Variants in SLX4IP observed in about 807,000 individuals in gnomAD.
SLX4IP encodes the protein protein SLX4IP.
SLX4IP carries 34 observed loss-of-function variants against 32.9 expected under a neutral mutation model. The ratio of observed to expected loss-of-function variants is 1.03; its 90% CI spans 0.79 to 1.38. The LOEUF (loss-of-function observed/expected upper bound fraction) is 1.38. Ranked by LOEUF, SLX4IP falls within the 40% of genes most tolerant of loss-of-function variation. The probability of loss-of-function intolerance (pLI) is 0.00; values close to 1 mark genes in which losing one functional copy is unlikely to be tolerated. For synonymous variants in SLX4IP, 172 were observed against 171.7 expected (o/e 1.00, Z -0.01); for missense variants, 444 against 479.0 (o/e 0.93, Z 0.68).
intron 2 of SLX4IP, among the ~76,000 whole-genome samples, chr20:10,516,190 G>A (rs762907022): frequency 7.2e-5 from 11 of 152,094 alleles, no homozygotes; most frequent in African/African-American, 1.4e-4. Context: ...GCCTGGCCTC[G>A]TGAGGCTATT....
At chr20:10,595,878 T>C (rs1478926914) in intron 4 of SLX4IP, among the ~76,000 whole-genome samples, 1 of 152,204 alleles carries the variant, frequency 6.6e-6, no homozygotes, top group Non-Finnish European at 1.5e-5. Context: ...ATGTTAAACT[T>C]GCTATTTCTC....
At chr20:10,622,550 G>A (rs747549834) in intron 7 of SLX4IP, 109 bp from the exon 8 acceptor site, 1 of 1,462,494 alleles carries the variant, frequency 6.8e-7, no homozygotes, top group Non-Finnish European at 9.1e-7. Context: ...CGAGAGGGCA[G>A]GTAGTGCCTG....
At chr20:10,615,365 C>G (rs886458592) in intron 6 of SLX4IP, among the ~76,000 whole-genome samples, 1 of 152,190 alleles carries the variant, frequency 6.6e-6, no homozygotes, top group Non-Finnish European at 1.5e-5. Flanking sequence ...ATGTCACTCT[C>G]TCTTGCCTCC....
intron 2 of SLX4IP, among the ~76,000 whole-genome samples, chr20:10,534,193 TG>T (rs1042997720): frequency 6.6e-6 from 1 of 152,084 alleles, no homozygotes; most frequent in Non-Finnish European, 1.5e-5. Context: ...TGTAAGGCCC[TG>T]GGCACCATTA....
intron 6 of SLX4IP, chr20:10,613,864 T>A: frequency 6.3e-7 from 1 of 1,587,928 alleles, no homozygotes; most frequent in Non-Finnish European, 8.6e-7. Context: ...CCTTTGTATG[T>A]CTTTTCAAAA....
intron 6 of SLX4IP, among the ~76,000 whole-genome samples, chr20:10,602,517 C>A (rs1237069660): frequency 1.3e-5 from 2 of 152,122 alleles, no homozygotes; most frequent in Non-Finnish European, 2.9e-5. Flanking sequence ...TGTGTGTTTC[C>A]TGCAGCCACA....
Position 10,451,859 on chromosome 20 carries a change from T to C in SLX4IP, c.-29-6317T>C, listed in dbSNP as rs148398740. 4.6e-3 allele frequency among the ~76,000 whole-genome samples: 694 copies of C among 152,010 alleles called. 7 individuals are homozygous for C. The highest frequency in any genetic ancestry group is 0.016 in the African/African-American group (651 of 41,466). On this transcript the variant is annotated intron_variant, in intron 1 of 7. Coordinates refer to ENST00000334534, the MANE Select transcript of SLX4IP (RefSeq NM_001009608.3). Reference sequence around the variant, plus strand: ...GACGGGCGCCTGTAATCCCAGCTACTTGGGAGGCTGAGGCAGGGGAATCGC... The same window carrying C: ...GACGGGCGCCTGTAATCCCAGCTACCTGGGAGGCTGAGGCAGGGGAATCGC...
At chr20:10,526,238 TA>T (rs1456651504) in intron 2 of SLX4IP, among the ~76,000 whole-genome samples, 2 of 152,196 alleles carry the variant, frequency 1.3e-5, no homozygotes, top group African/African-American at 4.8e-5. Context: ...ATTGAGGTGA[TA>T]AAATTATAGT....
chr20:10,555,153 T>C (rs2066254165), intron 2 of SLX4IP, among the ~76,000 whole-genome samples: 4 of 151,988 alleles, frequency 2.6e-5, no homozygotes, highest in Admixed American at 2.6e-4. Flanking sequence ...TAACCATTTG[T>C]TGAAACTACT....
chr20:10,505,109 A>C (rs186508817), intron 2 of SLX4IP, among the ~76,000 whole-genome samples: 1 of 152,208 alleles, frequency 6.6e-6, no homozygotes, highest in African/African-American at 2.4e-5. Context: ...GTTTAGACAC[A>C]CTGTACTGAG....
At chr20:10,595,851 G>A (rs1030796790) in intron 4 of SLX4IP, among the ~76,000 whole-genome samples, 1 of 152,130 alleles carries the variant, frequency 6.6e-6, no homozygotes, top group African/African-American at 2.4e-5. Context: ...GATTAAGCAG[G>A]TGCAAATCTT....
chr20:10,554,374 T>G (rs1281977848), intron 2 of SLX4IP, among the ~76,000 whole-genome samples: 1 of 152,240 alleles, frequency 6.6e-6, no homozygotes, highest in Non-Finnish European at 1.5e-5. Flanking sequence ...GTTGGGTTAT[T>G]ATAAATAAAA....
intron 1 of SLX4IP, among the ~76,000 whole-genome samples, chr20:10,440,600 C>CAGTT (rs903812084): frequency 1.3e-5 from 2 of 152,156 alleles, no homozygotes; most frequent in Admixed American, 1.3e-4. Context: ...GCACATGGAA[C>CAGTT]AGTTCCATCA....
intron 6 of SLX4IP, among the ~76,000 whole-genome samples, chr20:10,608,673 C>CAAA (rs560866110): frequency 2.6e-4 from 16 of 60,412 alleles, no homozygotes; most frequent in East Asian, 9.2e-4. Context: ...TACTCTGTCT[C>CAAA]AAAAAAAAAA....
At chr20:10,591,281 T>C (rs528646810) in intron 4 of SLX4IP, among the ~76,000 whole-genome samples, 1 of 152,358 alleles carries the variant, frequency 6.6e-6, no homozygotes, top group African/African-American at 2.4e-5. Flanking sequence ...TGGTCCTGGC[T>C]GACAAACAGG....
chr20:10,547,114 G>A (rs1398719935), intron 2 of SLX4IP, among the ~76,000 whole-genome samples: 6 of 152,182 alleles, frequency 3.9e-5, no homozygotes, highest in Non-Finnish European at 8.8e-5. Flanking sequence ...GGGAGACTGT[G>A]AGCCACCCTA....
At position 10,552,819 on chromosome 20, in the gene SLX4IP, T is replaced by TC. The variant is rs1201688269; in HGVS notation, c.28-3406dup. 9.1e-5 allele frequency among the ~76,000 whole-genome samples: 12 copies of TC among 131,928 alleles called. No homozygotes were observed. The East Asian group carries it at 2.9e-3, about 32-fold the overall frequency. 86.5% of individuals were successfully genotyped at this position (131,928 alleles called of 152,430 possible). A position where few individuals can be genotyped will look rare whatever the true frequency, so the allele number is the denominator to read the frequency against. The stretch of plus-strand genomic sequence containing the variant: ...AAGTTGCTTAAGCTTAAGATTCCCC[T>TC]CCCCCCACCCCCTTTTTTTTTTTAA... On this transcript the variant is annotated intron_variant, in intron 2 of 7. Coordinates refer to ENST00000334534, the MANE Select transcript of SLX4IP (RefSeq NM_001009608.3).
At chr20:10,592,185 CT>C (rs1426595557) in intron 4 of SLX4IP, among the ~76,000 whole-genome samples, 1 of 152,136 alleles carries the variant, frequency 6.6e-6, no homozygotes, top group Non-Finnish European at 1.5e-5. Context: ...CTCTAAATGT[CT>C]TGGGTAATAA....
rs190669229 is a variant in SLX4IP, at chr20:10,608,983, C to T, written c.405+7164C>T. On this transcript the variant is annotated intron_variant, in intron 6 of 7. Transcript: ENST00000334534. The stretch of plus-strand genomic sequence containing the variant: ...TACCAAAGAGTTAAGTGATAAACCC[C>T]CATTTAGCCAGCCAGTCAGTGCTGG... 3.9e-4 allele frequency among the ~76,000 whole-genome samples: 59 copies of T among 152,216 alleles called. 1 individual carries two copies. The East Asian group carries it at 0.011, about 29-fold the overall frequency.
Sources: allele counts gnomAD v4.1 joint callset (sites outside exome capture counted in the v4.1 genomes callset), GRCh38; gene constraint gnomAD v4.1.1; transcripts MANE v1.5; gene names NCBI Gene and HGNC (gene_info 2026-07-23, HGNC 2026-07-21).